The following FRMD4B variants were observed in gnomAD, a reference collection of about 807,000 sequenced individuals.
FRMD4B encodes FERM domain-containing protein 4B.
FRMD4B carries 74 observed loss-of-function variants against 141.5 expected under a neutral mutation model. The ratio of observed to expected loss-of-function variants is 0.52; its 90% CI spans 0.43 to 0.63. The LOEUF is 0.63. Among genes scored for constraint, FRMD4B ranks in the 30% least tolerant of loss-of-function variants. The pLI is 0.00. For missense variants in FRMD4B, 1,366 were observed against 1,253.4 expected (o/e 1.09, Z -1.36); for synonymous variants, 506 against 467.9 (o/e 1.08, Z -1.05).
At chr3:69,353,994 C>T (rs1703241544) in intron 1 of FRMD4B, among the ~76,000 whole-genome samples, 1 of 152,160 alleles carries the variant, frequency 6.6e-6, no homozygotes, top group Non-Finnish European at 1.5e-5. Flanking sequence ...ATGTATGAAT[C>T]TAAACTTCTA....
Position 69,171,964 on chromosome 3 carries a change from C to G in FRMD4B, c.3002G>C (p.Ser1001Thr), listed in dbSNP as rs557068110. The G allele has an allele frequency of 1.2e-6, 2 of 1,613,274 alleles. No homozygotes were observed. Among genetic ancestry groups the G allele is most frequent in the African/African-American group, 2.7e-5 (2 of 75,036 alleles). Residue 1001 changes from serine to threonine, a missense_variant, in exon 23 of 23, where the codon AGT becomes ACT. Ser to Thr is a moderately conservative substitution (Grantham distance 58). Transcript: ENST00000398540. ...PSPSRQYTEI[S>T]QLDGTDGNQL... ...GTTTCCATCTGTACCATCCAGTTGA[C>G]TGATTTCTGTGTATTGTCTATTAAA...
intron 1 of FRMD4B, among the ~76,000 whole-genome samples, chr3:69,505,796 T>G (rs747381290): frequency 6.6e-6 from 1 of 152,240 alleles, no homozygotes; most frequent in Non-Finnish European, 1.5e-5. Flanking sequence ...TGTTAAACTC[T>G]TGGGGTGGCC....
At chr3:69,324,710 TCTGAAGTAGATAAA>T (rs1702122227) in intron 1 of FRMD4B, among the ~76,000 whole-genome samples, 2 of 152,176 alleles carry the variant, frequency 1.3e-5, no homozygotes, top group Non-Finnish European at 2.9e-5. Context: ...TAATAAGGGC[TCTGAAGTAGATAAA>T]CTGGCAATGG....
chr3:69,219,233 A>T (rs1016409351), intron 9 of FRMD4B, among the ~76,000 whole-genome samples: 1 of 151,722 alleles, frequency 6.6e-6, no homozygotes, highest in African/African-American at 2.4e-5. Context: ...TTTTTAATTC[A>T]GTAGTGTTTA....
chr3:69,497,330 T>A (rs749088865), intron 1 of FRMD4B, among the ~76,000 whole-genome samples: 2 of 152,238 alleles, frequency 1.3e-5, no homozygotes, highest in Non-Finnish European at 2.9e-5. Flanking sequence ...ATATACTTGT[T>A]ATCTTTGTAA....
At chr3:69,490,817 G>A (rs1326266338) in intron 1 of FRMD4B, among the ~76,000 whole-genome samples, 1 of 152,150 alleles carries the variant, frequency 6.6e-6, no homozygotes, top group African/African-American at 2.4e-5. Context: ...GTTGGCCGAT[G>A]CCTTTAGGGT....
rs56287538 is a variant in FRMD4B, at chr3:69,169,356, T to C, written c.*2505A>G. On this transcript the variant is annotated 3_prime_UTR_variant, in exon 23 of 23. Coordinates refer to ENST00000398540, the MANE Select transcript of FRMD4B (RefSeq NM_015123.3). ...ATTGCTGAACTTCCATTTCTTTCTT[T>C]TTTTTTTTTTTTTTTTTTTCTTGAG... 0.053 allele frequency among the ~76,000 whole-genome samples: 93 copies of C among 1,770 alleles called. 7 individuals are homozygous for C. Among genetic ancestry groups the C allele is most frequent in the Middle Eastern group, 0.5 (2 of 4 alleles). 1.2% of individuals were successfully genotyped at this position (1,770 alleles called of 152,430 possible). A position where few individuals can be genotyped will look rare whatever the true frequency, so the allele number is the denominator to read the frequency against.
rs894694309 is a variant in FRMD4B, at chr3:69,307,022, G to A, written c.323+4241C>T. 5.9e-5 allele frequency among the ~76,000 whole-genome samples: 9 copies of A among 152,186 alleles called. No individual in the cohort carries two copies. The South Asian group carries it at 1.2e-3, about 21-fold the overall frequency. ...GCCCGCTCCCCAGAAAGGTAGAAAT[G>A]GCCAATTTCCACCCCCTCAACAGCC... On this transcript the variant is annotated intron_variant, in intron 3 of 22. Transcript: ENST00000398540.
intron 7 of FRMD4B, among the ~76,000 whole-genome samples, chr3:69,235,425 A>C (rs530766907): frequency 2.0e-5 from 3 of 151,656 alleles, no homozygotes; most frequent in Non-Finnish European, 4.4e-5. Context: ...TTTGGGAGGC[A>C]GAGGTGGGTG....
At chr3:69,423,863 T>A (rs929745497) in intron 2 of FRMD4B, among the ~76,000 whole-genome samples, 1 of 152,202 alleles carries the variant, frequency 6.6e-6, no homozygotes, top group Admixed American at 6.5e-5. Context: ...TGACACTGAA[T>A]GGCCTGGTGT....
rs368231495 is a variant in FRMD4B at position 69,461,673 on chromosome 3, C to A, written c.-128-28912G>T. ...AGAAACAGATCATGGACTCTTAAAACAAAAAGTGAAATTATGAAACAGTTA... is the reference window on the plus strand; with the variant it reads ...AGAAACAGATCATGGACTCTTAAAAAAAAAAGTGAAATTATGAAACAGTTA... On this transcript the variant is annotated intron_variant, in intron 1 of 5. Transcript: ENST00000459638. Among the ~76,000 whole-genome samples, 204 of 88,528 alleles carry A rather than the reference C, an allele frequency of 2.3e-3. 1 individual carries two copies. Among genetic ancestry groups the A allele is most frequent in the Middle Eastern group, 7.7e-3 (1 of 130 alleles). The allele number at this position is 88,528 out of a possible 152,430, so 58.1% of individuals were successfully genotyped here.
intron 1 of FRMD4B, among the ~76,000 whole-genome samples, chr3:69,350,596 T>A (rs1229871859): frequency 6.6e-6 from 1 of 152,114 alleles, no homozygotes; most frequent in Non-Finnish European, 1.5e-5. Flanking sequence ...AGTGATAGAC[T>A]GGATTAAGAA....
intron 1 of FRMD4B, among the ~76,000 whole-genome samples, chr3:69,529,635 C>T (rs546393826): frequency 1.3e-5 from 2 of 152,306 alleles, no homozygotes; most frequent in South Asian, 4.1e-4. Flanking sequence ...AGTTTCCCTT[C>T]CTTCCATCAA....
chr3:69,280,537 C>T (rs999379616), intron 5 of FRMD4B, among the ~76,000 whole-genome samples: 1 of 152,138 alleles, frequency 6.6e-6, no homozygotes, highest in African/African-American at 2.4e-5. Flanking sequence ...CTAAGAGCAT[C>T]ACCATGTACA....
chr3:69,456,807 C>G (rs1705622888), intron 1 of FRMD4B, among the ~76,000 whole-genome samples: 1 of 151,274 alleles, frequency 6.6e-6, no homozygotes, highest in Non-Finnish European at 1.5e-5. Context: ...AAACTAGTTC[C>G]TGGACTGGCT....
intron 1 of FRMD4B, among the ~76,000 whole-genome samples, chr3:69,493,797 G>C (rs1282496761): frequency 6.6e-6 from 1 of 152,128 alleles, no homozygotes; most frequent in Admixed American, 6.5e-5. Flanking sequence ...GGACATAATT[G>C]GTTCTCATAA....
intron 3 of FRMD4B, among the ~76,000 whole-genome samples, chr3:69,306,927 A>G (rs1409518495): frequency 2.0e-5 from 3 of 152,158 alleles, no homozygotes; most frequent in Non-Finnish European, 4.4e-5. Flanking sequence ...AATATTTACC[A>G]AAGAAAAAGA....
At chr3:69,362,580 G>A (rs1243305276) in intron 1 of FRMD4B, among the ~76,000 whole-genome samples, 4 of 152,144 alleles carry the variant, frequency 2.6e-5, no homozygotes, top group African/African-American at 9.7e-5. Flanking sequence ...AGGAAGCTGA[G>A]GCAGGAGAAT....
At chr3:69,285,155 C>T (rs1288945713) in intron 5 of FRMD4B, among the ~76,000 whole-genome samples, 1 of 152,014 alleles carries the variant, frequency 6.6e-6, no homozygotes, top group Non-Finnish European at 1.5e-5. Context: ...AAGAGTGAGA[C>T]TCTGTCTCAA....
Sources: gnomAD v4.1 joint callset for allele counts (sites outside exome capture counted in the v4.1 genomes callset) on GRCh38, gnomAD v4.1.1 for gene constraint, MANE v1.5 for transcripts, NCBI Gene and HGNC (gene_info 2026-07-23, HGNC 2026-07-21) for gene names.